The following B3GAT2 variants were observed in gnomAD, a reference collection of about 807,000 sequenced individuals.
The protein encoded by B3GAT2 is beta-1,3-glucuronyltransferase 2, also known as galactosylgalactosylxylosylprotein 3-beta-glucuronosyltransferase 2.
In B3GAT2, 26 loss-of-function variants were observed where a neutral mutation model predicts 27.8. The ratio of observed to expected loss-of-function variants is 0.93; its 90% confidence interval spans 0.68 to 1.30. The LOEUF (loss-of-function observed/expected upper bound fraction) is 1.30, where lower values mean the gene tolerates loss of function less well. Among genes scored for constraint, B3GAT2 ranks in the 50% most tolerant of loss-of-function variants. B3GAT2 has a pLI of 0.00. For synonymous variants in B3GAT2, 218 were observed against 195.1 expected (o/e 1.12, Z -0.98); for missense variants, 458 against 459.0 (o/e 1.00, Z 0.02).
intron 2 of B3GAT2, among the ~76,000 whole-genome samples, chr6:70,873,818 T>C (rs774476985): frequency 2.0e-4 from 30 of 152,286 alleles, no homozygotes; most frequent in South Asian, 4.1e-4. Context: ...CTGCTGAAAC[T>C]GCTTTGAGCC....
In B3GAT2 at chr6:70,932,102, A is replaced by G. The variant is rs966358021; in HGVS notation, c.591+23737T>C. Among the ~76,000 whole-genome samples, 38 of 152,200 alleles carry G rather than the reference A, an allele frequency of 2.5e-4. 2 individuals are homozygous for G. On this transcript the variant is annotated intron_variant, in intron 1 of 3. Coordinates refer to ENST00000230053, the MANE Select transcript of B3GAT2 (RefSeq NM_080742.3). ...ACCTTTCATAATGATATTTCACTTT[A>G]CTTCATATTTTTTTGCATGGCTATT...
Position 70,860,352 on chromosome 6 carries a change from T to G in B3GAT2, c.*1311A>C, listed in dbSNP as rs746547852. 6.3e-7 allele frequency: 1 copy of G among 1,598,898 alleles called. No homozygotes were observed. Among genetic ancestry groups the G allele is most frequent in the South Asian group, 1.1e-5 (1 of 88,062 alleles). On this transcript the variant is annotated 3_prime_UTR_variant, in exon 4 of 4. Coordinates refer to ENST00000230053, the MANE Select transcript of B3GAT2 (RefSeq NM_080742.3). Reference sequence around the variant, plus strand: ...GGAAATGAAAACTGCAATACAAGTTTCATCCAGAACTACCACCTGACATTC... The same window carrying G: ...GGAAATGAAAACTGCAATACAAGTTGCATCCAGAACTACCACCTGACATTC...
At chr6:70,939,111 A>G (rs1765344739) in intron 1 of B3GAT2, among the ~76,000 whole-genome samples, 1 of 152,128 alleles carries the variant, frequency 6.6e-6, no homozygotes, top group South Asian at 2.1e-4. Context: ...ACACTTCTCA[A>G]AAGAAGACAT....
intron 2 of B3GAT2, among the ~76,000 whole-genome samples, chr6:70,868,251 A>G (rs924438866): frequency 6.6e-6 from 1 of 152,240 alleles, no homozygotes; most frequent in East Asian, 1.9e-4. Flanking sequence ...GATTGGAATG[A>G]GGCAAGGATG....
Position 70,956,065 on chromosome 6 carries a change from C to A in B3GAT2, c.365G>T (p.Arg122Leu), listed in dbSNP as rs1390935512. The change falls in exon 1 of 4, where the codon CGC becomes CTC. Residue 122 changes from arginine (R) to leucine (L), a missense_variant. Arg to Leu is a moderately radical substitution (Grantham distance 102). Transcript: ENST00000230053. ...HWILVEDAAA[R>L]SELVSRFLAR... is the part of the protein sequence containing the mutation. ...CAGGAAGCGGCTCACCAGCTCGCTG[C>A]GCGCCGCCGCGTCCTCCACCAGGAT... 3 of 1,587,908 alleles carry A rather than the reference C, an allele frequency of 1.9e-6. No individual in the cohort carries two copies. The highest frequency in any genetic ancestry group is 2.6e-6 in the Non-Finnish European group (3 of 1,171,762).
chr6:70,930,310 A>G (rs1443767786), intron 1 of B3GAT2, among the ~76,000 whole-genome samples: 1 of 152,244 alleles, frequency 6.6e-6, no homozygotes, highest in Non-Finnish European at 1.5e-5. Context: ...AAACACCAAA[A>G]GCAATGGCAA....
At chr6:70,926,593 G>A (rs920777585) in intron 1 of B3GAT2, among the ~76,000 whole-genome samples, 1 of 152,146 alleles carries the variant, frequency 6.6e-6, no homozygotes, top group African/African-American at 2.4e-5. Context: ...AAGATCAAAT[G>A]AATGAAATGA....
intron 1 of B3GAT2, among the ~76,000 whole-genome samples, chr6:70,921,516 C>A (rs117291738): frequency 9.1e-4 from 138 of 152,194 alleles, no homozygotes; most frequent in Non-Finnish European, 1.6e-3. Flanking sequence ...TTATTGGATT[C>A]CTTAGATTCC....
chr6:70,893,846 C>T (rs973440538), intron 2 of B3GAT2, among the ~76,000 whole-genome samples: 1 of 152,120 alleles, frequency 6.6e-6, no homozygotes, highest in Admixed American at 6.5e-5. Context: ...TCCCCAGTGG[C>T]CAACCCAGTA....
chr6:70,891,221 T>C (rs1439764613), intron 2 of B3GAT2, among the ~76,000 whole-genome samples: 1 of 152,214 alleles, frequency 6.6e-6, no homozygotes, highest in Non-Finnish European at 1.5e-5. Flanking sequence ...CAGAGCTATA[T>C]GGCTACTGGT....
At chr6:70,895,204 C>T (rs748868097) in intron 1 of B3GAT2, among the ~76,000 whole-genome samples, 20 of 152,174 alleles carry the variant, frequency 1.3e-4, no homozygotes, top group Non-Finnish European at 2.2e-4. Context: ...ATAACCTGCA[C>T]AACTGCATGA....
intron 1 of B3GAT2, among the ~76,000 whole-genome samples, chr6:70,945,141 C>G (rs1765458028): frequency 6.6e-6 from 1 of 152,080 alleles, no homozygotes; most frequent in South Asian, 2.1e-4. Flanking sequence ...AGCAGAAAAA[C>G]TGGAAACTCT....
chr6:70,879,480 G>GATTCATTCATTCATTCATTC (rs140959014), intron 2 of B3GAT2, among the ~76,000 whole-genome samples: 69 of 151,662 alleles, frequency 4.5e-4, no homozygotes, highest in East Asian at 3.3e-3. Context: ...CTAAACTTAG[G>GATTCATTCATTCATTCATTC]ATTCATTCAT....
At chr6:70,937,370 G>C (rs1308532981) in intron 1 of B3GAT2, among the ~76,000 whole-genome samples, 2 of 151,368 alleles carry the variant, frequency 1.3e-5, no homozygotes, top group East Asian at 3.9e-4. Context: ...CCAATCAATA[G>C]AAAAAGAGGG....
intron 2 of B3GAT2, among the ~76,000 whole-genome samples, chr6:70,879,059 T>C (rs895064343): frequency 2.0e-5 from 3 of 152,262 alleles, no homozygotes; most frequent in African/African-American, 7.2e-5. Context: ...TGTTAGTTAC[T>C]ATCCACTTTT....
chr6:70,857,882 T>G lies in B3GAT2; in HGVS notation c.*3781A>C. 6.3e-7 allele frequency: 1 copy of G among 1,597,972 alleles called. No individual in the cohort carries two copies. The highest frequency in any genetic ancestry group is 8.5e-7 in the Non-Finnish European group (1 of 1,171,210). On this transcript the variant is annotated 3_prime_UTR_variant, in exon 4 of 4. Transcript: ENST00000230053. ...TTATAGAGATGAGTGCAACTACACG[T>G]GATAGCTCTGTCTTCATTCATTTTC...
chr6:70,863,314 T>C (rs1771795031), intron 2 of B3GAT2, among the ~76,000 whole-genome samples: 1 of 152,196 alleles, frequency 6.6e-6, no homozygotes, highest in Non-Finnish European at 1.5e-5. Context: ...ACAACCACCA[T>C]CCTCTCCAGA....
chr6:70,870,556 GA>G (rs890392747), intron 2 of B3GAT2, among the ~76,000 whole-genome samples: 12 of 148,912 alleles, frequency 8.1e-5, no homozygotes, highest in East Asian at 2.0e-4. Flanking sequence ...ATAAAAAAAA[GA>G]AAAAAAAAGA....
At chr6:70,901,478 C>A (rs1254277341) in intron 1 of B3GAT2, among the ~76,000 whole-genome samples, 1 of 152,178 alleles carries the variant, frequency 6.6e-6, no homozygotes, top group Non-Finnish European at 1.5e-5. Flanking sequence ...CCGAACAAAC[C>A]CACATTGGTG....
Sources: gnomAD v4.1 joint callset for allele counts (sites outside exome capture counted in the v4.1 genomes callset) on GRCh38, gnomAD v4.1.1 for gene constraint, MANE v1.5 for transcripts, NCBI Gene and HGNC (gene_info 2026-07-23, HGNC 2026-07-21) for gene names.